AASDH: variants seen among roughly 807,000 people sequenced by gnomAD.
AASDH encodes the protein beta-alanine-activating enzyme.
A neutral mutation model predicts 102.3 loss-of-function variants in AASDH; 81 were observed. The observed-to-expected ratio is 0.79, with a 90% CI of 0.66 to 0.95. AASDH has a LOEUF of 0.95. Ranked by LOEUF, AASDH falls within the 40% of genes least tolerant of loss-of-function variation. The pLI is 0.00. For synonymous variants in AASDH, 398 were observed against 454.0 expected, an observed-to-expected ratio of 0.88 and a Z score of 1.57; for missense variants, 1,203 against 1,266.2, an observed-to-expected ratio of 0.95 and a Z score of 0.76.
intron 4 of AASDH, among the ~76,000 whole-genome samples, chr4:56,376,014 CTCA>C (rs1388520670): frequency 1.4e-5 from 2 of 142,954 alleles, no homozygotes; most frequent in African/African-American, 2.6e-5. Flanking sequence ...CTCTAAACCG[CTCA>C]TCTTTTTTTT....
At position 56,338,731 on chromosome 4, in the gene AASDH, G is replaced by C. The variant is rs1349544275; in HGVS notation, c.2968C>G (p.Gln990Glu). The C allele has an allele frequency of 1.9e-6, 3 of 1,614,074 alleles. No individual in the cohort carries two copies. The highest frequency in any genetic ancestry group is 1.7e-6 in the Non-Finnish European group (2 of 1,179,998). The part of the protein sequence containing the change: ...FSSPCTSPSE[Q>E]KIFFGSHDCF... ...TCATGGGAACCAAAAAATATTTTTT[G>C]CTCTGATGGTGAGGTACACGGGGAT... Residue 990 changes from glutamine to glutamate, a missense_variant, in exon 15 of 15, where the codon CAA becomes GAA. Coordinates refer to ENST00000205214, the MANE Select transcript of AASDH (RefSeq NM_181806.4).
intron 2 of AASDH, 120 bp from the exon 3 acceptor site, chr4:56,382,717 G>T: frequency 9.2e-7 from 1 of 1,089,936 alleles, no homozygotes; most frequent in Non-Finnish European, 1.3e-6. Context: ...GGTTTCCGGA[G>T]CACTTTATTG....
In AASDH at chr4:56,366,931, G is replaced by T. The variant is rs1189516605; in HGVS notation, c.861+4520C>A. Among the ~76,000 whole-genome samples, 7 of 151,966 alleles carry T rather than the reference G, an allele frequency of 4.6e-5. No individual in the cohort carries two copies. In the East Asian group the frequency reaches 1.4e-3, roughly 29 times the overall value. ...AATTAGGAAAAGAGGAAGTCAAATT[G>T]TCCCTGTTTGCAGATGACATGATTG... On this transcript the variant is annotated intron_variant, in intron 5 of 14. Coordinates refer to ENST00000205214, the MANE Select transcript of AASDH (RefSeq NM_181806.4).
intron 4 of AASDH, 63 bp downstream of exon 4, chr4:56,378,085 C>G: frequency 6.8e-7 from 1 of 1,477,488 alleles, no homozygotes; most frequent in Non-Finnish European, 9.1e-7. Flanking sequence ...GGATTACAGG[C>G]ATAAGCCACC....
intron 5 of AASDH, among the ~76,000 whole-genome samples, chr4:56,370,023 C>T (rs539867904): frequency 6.6e-6 from 1 of 151,426 alleles, no homozygotes; most frequent in South Asian, 2.1e-4. Context: ...GAATATAACA[C>T]ACTATGGTCT....
At chr4:56,339,951 C>G (rs1747458983) in intron 14 of AASDH, among the ~76,000 whole-genome samples, 1 of 151,814 alleles carries the variant, frequency 6.6e-6, no homozygotes. Context: ...GGTGGATCAC[C>G]TGAGGTCAGG....
chr4:56,344,286 A>G (rs1382759782), intron 12 of AASDH, among the ~76,000 whole-genome samples: 1 of 151,924 alleles, frequency 6.6e-6, no homozygotes, highest in Admixed American at 6.6e-5. Flanking sequence ...ACTAGTTACA[A>G]CCTCTTACCA....
intron 14 of AASDH, among the ~76,000 whole-genome samples, chr4:56,339,875 G>A (rs1319008497): frequency 6.6e-6 from 1 of 151,938 alleles, no homozygotes; most frequent in Non-Finnish European, 1.5e-5. Flanking sequence ...ATGATAAACA[G>A]TTATAAGTTG....
Position 56,345,240 on chromosome 4 carries a change from AT to A in AASDH, c.2538del (p.Lys846AsnfsTer36). 6.2e-7 allele frequency: 1 copy of A among 1,613,834 alleles called. No individual in the cohort carries two copies. Among genetic ancestry groups the A allele is most frequent in the South Asian group, 1.1e-5 (1 of 91,072 alleles). On this transcript the variant is annotated frameshift_variant, in exon 12 of 15. Coordinates refer to ENST00000205214, the MANE Select transcript of AASDH (RefSeq NM_181806.4). LOFTEE classifies it high-confidence loss of function. ...VYVLKSNSGE[K>X]YWMFTTEDAV... Reference sequence around the variant, plus strand: ...GCATCTTCAGTAGTAAACATCCAGTATTTTTCTCCACTATTACTTTTCAGAA... The same window carrying A: ...GCATCTTCAGTAGTAAACATCCAGTATTTTCTCCACTATTACTTTTCAGAA...
chr4:56,347,148 A>T (rs1306172991), intron 11 of AASDH, among the ~76,000 whole-genome samples: 7 of 152,330 alleles, frequency 4.6e-5, no homozygotes, highest in Admixed American at 4.6e-4. Context: ...ACAAAAAAAA[A>T]GTTAAAGCTG....
Position 56,349,345 on chromosome 4 carries a change from C to T in AASDH, c.2406G>A (p.Gly802=). The T allele has an allele frequency of 6.2e-7, 1 of 1,614,180 alleles. No individual in the cohort carries two copies. Among genetic ancestry groups the T allele is most frequent in the Admixed American group, 1.7e-5 (1 of 60,024 alleles). ...CCAAAATCTGTTCCCATTTTACCTT[C>T]CCAGAGTAAAAGTCAACTGCCTTCA... ...HRMKAVDFYS[G]KVKWEQILGD... Residue 802 remains glycine, a synonymous_variant, in exon 11 of 15, where the codon GGG becomes GGA. Transcript: ENST00000205214.
At chr4:56,338,817 T>TAA (rs1553924318) in intron 14 of AASDH, 26 bp from the exon 15 acceptor site, 1 of 1,590,202 alleles carries the variant, frequency 6.3e-7, no homozygotes, top group East Asian at 2.3e-5. Flanking sequence ...AAAATAAATA[T>TAA]AATTCATTCA....
chr4:56,381,039 C>A (rs548141291), intron 3 of AASDH, among the ~76,000 whole-genome samples: 1 of 152,164 alleles, frequency 6.6e-6, no homozygotes, highest in Non-Finnish European at 1.5e-5. Flanking sequence ...GGTTTTGCTG[C>A]GCCCAACTCC....
chr4:56,345,676 A>C (rs543458243), intron 11 of AASDH, among the ~76,000 whole-genome samples: 1 of 152,230 alleles, frequency 6.6e-6, no homozygotes, highest in Non-Finnish European at 1.5e-5. Flanking sequence ...CAAATTATTC[A>C]TCTGCAGAAT....
intron 5 of AASDH, among the ~76,000 whole-genome samples, chr4:56,357,269 G>A (rs1749744729): frequency 6.6e-6 from 1 of 152,116 alleles, no homozygotes; most frequent in African/African-American, 2.4e-5. Flanking sequence ...TTAGTGTCTG[G>A]TGAGTACTCT....
In AASDH at chr4:56,345,145, T is replaced by C. The variant is rs767750705; in HGVS notation, c.2634A>G (p.Ala878=). 2.5e-6 allele frequency: 4 copies of C among 1,614,006 alleles called. No individual in the cohort carries two copies. The East Asian group carries it at 8.9e-5, about 36-fold the overall frequency. Residue 878 remains alanine (A), a synonymous_variant, in exon 12 of 15, where the codon GCA becomes GCG. Coordinates refer to ENST00000205214, the MANE Select transcript of AASDH (RefSeq NM_181806.4). Reference sequence around the variant, plus strand: ...TCCTTACATAAATATCTAAAGCATATGCGTGCTGGTCATGAGATCCAATGT... The same window carrying C: ...TCCTTACATAAATATCTAAAGCATACGCGTGCTGGTCATGAGATCCAATGT... ...LIYIGSHDQH[A]YALDIYRKKC... is the part of the protein sequence containing the mutation.
chr4:56,381,650 C>T (rs1752961984), intron 3 of AASDH: 1 of 23,134 alleles, frequency 4.3e-5, no homozygotes. Flanking sequence ...TGACACTTCT[C>T]ACACACACAC....
intron 5 of AASDH, among the ~76,000 whole-genome samples, chr4:56,355,863 C>T (rs980072110): frequency 6.6e-6 from 1 of 152,056 alleles, no homozygotes; most frequent in Non-Finnish European, 1.5e-5. Flanking sequence ...GCAATCCTCC[C>T]ACTTTGGCCT....
intron 4 of AASDH, among the ~76,000 whole-genome samples, chr4:56,376,041 T>TC (rs1752306544): frequency 1.3e-5 from 2 of 148,772 alleles, no homozygotes; most frequent in African/African-American, 2.5e-5. Flanking sequence ...TTTTTTTTTT[T>TC]AAGATTGAGT....
Sources: allele counts gnomAD v4.1 joint callset (sites outside exome capture counted in the v4.1 genomes callset), GRCh38; gene constraint gnomAD v4.1.1; transcripts MANE v1.5; gene names NCBI Gene and HGNC (gene_info 2026-07-23, HGNC 2026-07-21).